The following IGF2BP2 variants were observed in gnomAD, a reference collection of about 807,000 sequenced individuals.
IGF2BP2 encodes the protein insulin-like growth factor 2 mRNA-binding protein 2.
IGF2BP2 carries 17 observed loss-of-function variants against 75.8 expected under a neutral mutation model. That is an observed-to-expected ratio of 0.22 (90% CI 0.15 to 0.34). IGF2BP2 has a LOEUF of 0.34. Ranked by LOEUF, IGF2BP2 falls within the 10% of genes least tolerant of loss-of-function variation. The pLI, the probability that IGF2BP2 is intolerant of heterozygous loss-of-function variation, is 1.00. For missense variants in IGF2BP2, 516 were observed against 772.4 expected (o/e 0.67, Z 3.93); for synonymous variants, 288 against 295.6 (o/e 0.97, Z 0.26).
intron 2 of IGF2BP2, among the ~76,000 whole-genome samples, chr3:185,706,679 A>G (rs1031351863): frequency 4.6e-5 from 7 of 152,172 alleles, no homozygotes; most frequent in African/African-American, 1.7e-4. Flanking sequence ...GCTTGTTTAC[A>G]GATTGAAACC....
chr3:185,733,220 A>C (rs563123922), intron 2 of IGF2BP2, among the ~76,000 whole-genome samples: 3 of 152,368 alleles, frequency 2.0e-5, no homozygotes, highest in African/African-American at 7.2e-5. Context: ...GAACCTGAGA[A>C]AATGTAAAGT....
At chr3:185,661,324 T>C (rs1395232265) in intron 10 of IGF2BP2, among the ~76,000 whole-genome samples, 1 of 152,130 alleles carries the variant, frequency 6.6e-6, no homozygotes, top group Non-Finnish European at 1.5e-5. Context: ...TTGTGAGGGT[T>C]TGTTCATTCA....
intron 2 of IGF2BP2, among the ~76,000 whole-genome samples, chr3:185,809,670 A>T (rs1739539251): frequency 6.6e-6 from 1 of 152,164 alleles, no homozygotes; most frequent in Admixed American, 6.5e-5. Context: ...AAAATTTTTT[A>T]ATAAAGTAAA....
At chr3:185,721,195 TTTTG>T (rs1183864104) in intron 2 of IGF2BP2, among the ~76,000 whole-genome samples, 1 of 152,052 alleles carries the variant, frequency 6.6e-6, no homozygotes, top group Non-Finnish European at 1.5e-5. Flanking sequence ...CTTTTTTTGT[TTTTG>T]TTTATTATTA....
intron 2 of IGF2BP2, among the ~76,000 whole-genome samples, chr3:185,807,386 A>G (rs1739169090): frequency 6.6e-6 from 1 of 152,222 alleles, no homozygotes. Flanking sequence ...TTCCTTCCTC[A>G]TTCTACAAAA....
chr3:185,784,986 C>T (rs898024081), intron 2 of IGF2BP2, among the ~76,000 whole-genome samples: 1 of 151,998 alleles, frequency 6.6e-6, no homozygotes, highest in Non-Finnish European at 1.5e-5. Context: ...TAATGAAATG[C>T]CTGTGTTTTC....
chr3:185,687,026 T>C (rs765962180), intron 7 of IGF2BP2, 31 bp downstream of exon 7: 1 of 1,602,936 alleles, frequency 6.2e-7, no homozygotes. Flanking sequence ...TTTTCTCTGT[T>C]GAGTGATCTG....
At chr3:185,780,867 A>C (rs2149800076) in intron 2 of IGF2BP2, among the ~76,000 whole-genome samples, 1 of 152,336 alleles carries the variant, frequency 6.6e-6, no homozygotes, top group South Asian at 2.1e-4. Flanking sequence ...CGGACTATCT[A>C]ACCAGTAAGT....
In IGF2BP2 at chr3:185,771,617, T is replaced by C. The variant is rs369464013; in HGVS notation, c.239+51536A>G. 6.6e-5 allele frequency among the ~76,000 whole-genome samples: 10 copies of C among 152,284 alleles called. No individual in the cohort carries two copies. In the East Asian group the frequency reaches 1.5e-3, roughly 23 times the overall value. On this transcript the variant is annotated intron_variant, in intron 2 of 15. Coordinates refer to ENST00000382199, the MANE Select transcript of IGF2BP2 (RefSeq NM_006548.6). ...GGTAAACTTTCCACTTTCCAAAAAC[T>C]TTCTAGATAACCAAGGCTCTGGCTG...
At position 185,794,603 on chromosome 3, in the gene IGF2BP2, C is replaced by G. The variant is rs915496291; in HGVS notation, c.239+28550G>C. Among the ~76,000 whole-genome samples, 11 of 151,708 alleles carry G rather than the reference C, an allele frequency of 7.3e-5. No homozygotes were observed. The East Asian group carries it at 1.7e-3, about 24-fold the overall frequency. ...CTTCCCAACAGTGCTTCTTTTTAAG[C>G]CTTTCAAAACATTGGCTTTATTTGG... is the stretch of plus-strand genomic sequence containing the variant. On this transcript the variant is annotated intron_variant, in intron 2 of 15. Transcript: ENST00000382199.
chr3:185,713,852 C>G (rs1162880406), intron 2 of IGF2BP2, among the ~76,000 whole-genome samples: 1 of 152,176 alleles, frequency 6.6e-6, no homozygotes, highest in Non-Finnish European at 1.5e-5. Context: ...AGGCACCCAC[C>G]ACCACACCCG....
chr3:185,650,760 A>G (rs1259003828), intron 13 of IGF2BP2, among the ~76,000 whole-genome samples: 1 of 152,216 alleles, frequency 6.6e-6, no homozygotes, highest in Non-Finnish European at 1.5e-5. Flanking sequence ...ATCTATTCAG[A>G]ACATTTCCAC....
chr3:185,720,188 G>A (rs1726299384), intron 2 of IGF2BP2, among the ~76,000 whole-genome samples: 1 of 152,202 alleles, frequency 6.6e-6, no homozygotes, highest in Non-Finnish European at 1.5e-5. Flanking sequence ...AGGGCTACCA[G>A]CTAAGTGAGA....
intron 2 of IGF2BP2, among the ~76,000 whole-genome samples, chr3:185,804,840 A>G (rs1350146401): frequency 6.6e-6 from 1 of 151,918 alleles, no homozygotes; most frequent in East Asian, 1.9e-4. Context: ...ATATAAAAAA[A>G]AATTAGCTGG....
At position 185,645,444 on chromosome 3, in the gene IGF2BP2, C is replaced by T. The variant is rs1412395369; in HGVS notation, c.*87G>A. ...CCTCAGATGGTCTTTGGTTTGCTCC[C>T]GATCTGGCTGGCTGCGTTTGGTCTC... On this transcript the variant is annotated 3_prime_UTR_variant, in exon 16 of 16. Transcript: ENST00000382199. This position sits in a 1 kb window ranked among gnomAD's most constrained non-coding sequence, Gnocchi z 4.9. 9.5e-6 allele frequency: 9 copies of T among 944,836 alleles called. No individual in the cohort carries two copies. Among genetic ancestry groups the T allele is most frequent in the African/African-American group, 3.2e-5 (2 of 62,124 alleles). The allele number at this position is 944,836 out of a possible 1,614,324, so 58.5% of individuals were successfully genotyped here.
intron 2 of IGF2BP2, among the ~76,000 whole-genome samples, chr3:185,748,079 T>A (rs1254009132): frequency 6.6e-6 from 1 of 152,020 alleles, no homozygotes; most frequent in Non-Finnish European, 1.5e-5. Flanking sequence ...ATGGTCTCAA[T>A]CTCCTGACCT....
chr3:185,657,171 T>A (rs1399148937), intron 12 of IGF2BP2, 115 bp downstream of exon 12: 1 of 667,766 alleles, frequency 1.5e-6, no homozygotes, highest in Non-Finnish European at 2.7e-6. Flanking sequence ...GTTCTAGATC[T>A]CTGTGGGACT....
chr3:185,789,766 C>T (rs953369806), intron 2 of IGF2BP2, among the ~76,000 whole-genome samples: 31 of 126,360 alleles, frequency 2.5e-4, no homozygotes, highest in Non-Finnish European at 3.3e-4. Flanking sequence ...CAGAATCTCA[C>T]TTTGTCACCC....
chr3:185,670,172 C>A (rs1217099027), intron 10 of IGF2BP2, among the ~76,000 whole-genome samples: 1 of 151,984 alleles, frequency 6.6e-6, no homozygotes, highest in African/African-American at 2.4e-5. Context: ...TTACAAATAA[C>A]AGGAAACACA....
Sources: allele counts gnomAD v4.1 joint callset (sites outside exome capture counted in the v4.1 genomes callset), GRCh38; gene constraint gnomAD v4.1.1; non-coding constraint Gnocchi (gnomAD v3.1); transcripts MANE v1.5; gene names NCBI Gene and HGNC (gene_info 2026-07-23, HGNC 2026-07-21).